Variants in RIC1 observed in about 807,000 individuals in gnomAD.
RIC1 encodes guanine nucleotide exchange factor subunit RIC1.
A neutral mutation model predicts 169.0 loss-of-function variants in RIC1; 88 were observed. The ratio of observed to expected loss-of-function variants is 0.52; its 90% CI spans 0.44 to 0.62. The LOEUF is 0.62. Among genes scored for constraint, RIC1 ranks in the 20% least tolerant of loss-of-function variants. RIC1 has a pLI of 0.00. For missense variants in RIC1, 1,877 were observed against 1,725.5 expected, an observed-to-expected ratio of 1.09 and a Z score of -1.56; for synonymous variants, 790 against 601.5, an observed-to-expected ratio of 1.31 and a Z score of -4.59.
At chr9:5,698,770 A>G (rs879695588) in intron 3 of RIC1, among the ~76,000 whole-genome samples, 2 of 152,166 alleles carry the variant, frequency 1.3e-5, no homozygotes, top group Non-Finnish European at 2.9e-5. Flanking sequence ...TTAGATTCTT[A>G]ATAAGTTGCA....
At chr9:5,727,733 C>T (rs1205391199) in intron 6 of RIC1, among the ~76,000 whole-genome samples, 1 of 152,128 alleles carries the variant, frequency 6.6e-6, no homozygotes, top group Non-Finnish European at 1.5e-5. Context: ...TGTGGATGTC[C>T]TTTCTGTTTG....
chr9:5,638,173 T>C (rs1818067535), intron 1 of RIC1, among the ~76,000 whole-genome samples: 1 of 152,206 alleles, frequency 6.6e-6, no homozygotes, highest in South Asian at 2.1e-4. Context: ...TGTTGAACCA[T>C]CCTTGCATCC....
intron 7 of RIC1, among the ~76,000 whole-genome samples, chr9:5,734,759 C>A (rs7869920): frequency 0.071 from 10,838 of 152,224 alleles, 761 homozygotes; most frequent in African/African-American, 0.18. Flanking sequence ...TTGTGAGATT[C>A]ATCCATGTCA....
intron 2 of RIC1, among the ~76,000 whole-genome samples, chr9:5,662,230 C>G (rs1258497195): frequency 6.6e-6 from 1 of 151,898 alleles, no homozygotes; most frequent in Non-Finnish European, 1.5e-5. Context: ...GGATATTTGC[C>G]AGTATTTTGT....
At position 5,705,760 on chromosome 9, in the gene RIC1, A is replaced by G. The variant is rs576394479; in HGVS notation, c.333-8136A>G. Among the ~76,000 whole-genome samples the G allele has an allele frequency of 2.6e-5, 4 of 152,310 alleles. No individual in the cohort carries two copies. The South Asian group carries it at 8.3e-4, about 32-fold the overall frequency. Reference sequence around the variant, plus strand: ...GTAAACAGTCATTTACTGTTGAGTAAGATGTTAGCTGTGCGCTTTATCATA... The same window carrying G: ...GTAAACAGTCATTTACTGTTGAGTAGGATGTTAGCTGTGCGCTTTATCATA... On this transcript the variant is annotated intron_variant, in intron 3 of 25. Transcript: ENST00000414202.
rs74669906 is a variant in RIC1, at chr9:5,720,145, G to C, written c.441-37G>C. 616 of 1,564,436 alleles carry C rather than the reference G, an allele frequency of 3.9e-4. 8 individuals carry two copies. In the East Asian group the frequency reaches 0.014, roughly 35 times the overall value. ...AATATTCATACACATTGCTTTCCCA[G>C]TATGCTCTCTTAAAAATTAATTGAT... On this transcript the variant is annotated intron_variant, in intron 4 of 25. Transcript: ENST00000414202.
intron 2 of RIC1, among the ~76,000 whole-genome samples, chr9:5,679,347 T>A (rs915415773): frequency 1.3e-5 from 2 of 152,160 alleles, no homozygotes; most frequent in African/African-American, 4.8e-5. Flanking sequence ...CCATATGAAC[T>A]TTAAAGTAGT....
At position 5,673,535 on chromosome 9, in the gene RIC1, G is replaced by GATATATATATATATATATAT. The variant is rs59648906; in HGVS notation, c.253-16420_253-16401dup. ...ATATATATGCACCAAAACATAAGGA[G>GATATATATATATATATATAT]ATATATATATATATATATATATAAA... On this transcript the variant is annotated intron_variant, in intron 2 of 25. Coordinates refer to ENST00000414202, the MANE Select transcript of RIC1 (RefSeq NM_020829.4). Among the ~76,000 whole-genome samples, 321 of 119,148 alleles carry GATATATATATATATATATAT rather than the reference G, an allele frequency of 2.7e-3. 7 individuals are homozygous for GATATATATATATATATATAT. The highest frequency in any genetic ancestry group is 0.012 in the Middle Eastern group (3 of 242). The allele number at this position is 119,148 out of a possible 152,430, so 78.2% of individuals were successfully genotyped here.
Position 5,743,674 on chromosome 9 carries a change from T to G in RIC1, c.1047-15T>G. The G allele has an allele frequency of 6.3e-7, 1 of 1,593,520 alleles. No homozygotes were observed. Among genetic ancestry groups the G allele is most frequent in the South Asian group, 1.1e-5 (1 of 89,524 alleles). ...TTGGAAGGCTGTATTATATTTAGTT[T>G]CTGTTCTGTTTCAGTTATAGGTCTG... On this transcript the variant is annotated splice_polypyrimidine_tract_variant and intron_variant, in intron 9 of 25. Transcript: ENST00000414202.
chr9:5,660,697 A>AT lies in RIC1; in HGVS notation c.252+4017dup, dbSNP rs878980193. Among the ~76,000 whole-genome samples, 734 of 149,902 alleles carry AT rather than the reference A, an allele frequency of 4.9e-3. 9 individuals are homozygous for AT. Among genetic ancestry groups the AT allele is most frequent in the African/African-American group, 0.017 (692 of 40,814 alleles). Reference sequence around the variant, plus strand: ...TGTCCTTTGCCCACTTCTTAATGGGATTTTTTTTTTCTTGTAAGTTATTAA... The same window carrying AT: ...TGTCCTTTGCCCACTTCTTAATGGGATTTTTTTTTTTCTTGTAAGTTATTAA... On this transcript the variant is annotated intron_variant, in intron 2 of 25. Coordinates refer to ENST00000414202, the MANE Select transcript of RIC1 (RefSeq NM_020829.4).
At chr9:5,685,832 A>C (rs1459599118) in intron 2 of RIC1, among the ~76,000 whole-genome samples, 1 of 136,902 alleles carries the variant, frequency 7.3e-6, no homozygotes, top group African/African-American at 2.6e-5. Context: ...CATCAGAGTG[A>C]ACAGGCAACC....
At chr9:5,759,364 C>G (rs1378878054) in intron 17 of RIC1, among the ~76,000 whole-genome samples, 1 of 152,166 alleles carries the variant, frequency 6.6e-6, no homozygotes, top group Middle Eastern at 3.2e-3. Context: ...GTCATCTTCC[C>G]TACCACAAGG....
At chr9:5,742,710 C>CT (rs892721786) in intron 8 of RIC1, among the ~76,000 whole-genome samples, 159 bp from the exon 9 acceptor site, 1 of 149,288 alleles carries the variant, frequency 6.7e-6, no homozygotes, top group African/African-American at 2.5e-5. Context: ...GCCTTACTAA[C>CT]TTTAAGTAGT....
intron 3 of RIC1, among the ~76,000 whole-genome samples, chr9:5,708,542 T>C (rs1822740615): frequency 6.6e-6 from 1 of 152,184 alleles, no homozygotes; most frequent in African/African-American, 2.4e-5. Flanking sequence ...ATAATTTTTC[T>C]AGATATTTCA....
rs192341816 is a variant in RIC1 at position 5,680,530 on chromosome 9, G to T, written c.253-9429G>T. Among the ~76,000 whole-genome samples the T allele has an allele frequency of 5.6e-4, 86 of 152,238 alleles. No individual in the cohort carries two copies. The East Asian group carries it at 0.015, about 26-fold the overall frequency. ...GCCTCAATTTCAGAGCCTGTTATTG[G>T]TCTATTCAGAGATTCTGCTTCTTCC... is the stretch of plus-strand genomic sequence containing the variant. On this transcript the variant is annotated intron_variant, in intron 2 of 25. Coordinates refer to ENST00000414202, the MANE Select transcript of RIC1 (RefSeq NM_020829.4).
intron 2 of RIC1, among the ~76,000 whole-genome samples, chr9:5,687,470 A>C (rs1460800343): frequency 6.6e-6 from 1 of 152,074 alleles, no homozygotes; most frequent in Admixed American, 6.5e-5. Context: ...TTTCTAATAT[A>C]AGTATTTTAA....
At chr9:5,679,937 T>G (rs1820711695) in intron 2 of RIC1, among the ~76,000 whole-genome samples, 1 of 152,232 alleles carries the variant, frequency 6.6e-6, no homozygotes, top group Non-Finnish European at 1.5e-5. Flanking sequence ...AAGGGAATGC[T>G]TCCAGTTTTT....
At position 5,724,938 on chromosome 9, in the gene RIC1, G is replaced by A. The variant is rs141299412; in HGVS notation, c.720+4188G>A. ...GATAGTGGTGGATAAGCTTTTTGATGTGCTGCTGGATTCGGTTTGCCAGTA... is the reference window on the plus strand; with the variant it reads ...GATAGTGGTGGATAAGCTTTTTGATATGCTGCTGGATTCGGTTTGCCAGTA... On this transcript the variant is annotated intron_variant, in intron 6 of 25. Coordinates refer to ENST00000414202, the MANE Select transcript of RIC1 (RefSeq NM_020829.4). 1.5e-3 allele frequency among the ~76,000 whole-genome samples: 227 copies of A among 152,298 alleles called. 1 individual carries two copies. Among genetic ancestry groups the A allele is most frequent in the African/African-American group, 5.4e-3 (223 of 41,564 alleles).
intron 1 of RIC1, among the ~76,000 whole-genome samples, chr9:5,642,025 A>G (rs1818277443): frequency 6.9e-6 from 1 of 144,060 alleles, no homozygotes; most frequent in Non-Finnish European, 1.5e-5. Context: ...GTAGGTATTT[A>G]TTGTAGTCTT....
Sources: gnomAD v4.1 joint callset for allele counts (sites outside exome capture counted in the v4.1 genomes callset) on GRCh38, gnomAD v4.1.1 for gene constraint, MANE v1.5 for transcripts, NCBI Gene and HGNC (gene_info 2026-07-23, HGNC 2026-07-21) for gene names.